Variants in RIMBP2 observed in about 807,000 individuals in gnomAD.
RIMBP2 encodes the protein RIMS-binding protein 2.
Under a neutral mutation model 118.6 loss-of-function variants are expected in RIMBP2, and 48 were observed. That is an observed-to-expected ratio of 0.40 (90% CI 0.32 to 0.51). The LOEUF is 0.51. Ranked by LOEUF, RIMBP2 falls within the 20% of genes least tolerant of loss-of-function variation. The pLI is 0.41. For synonymous variants in RIMBP2, 762 were observed against 742.9 expected, an observed-to-expected ratio of 1.03 and a Z score of -0.42; for missense variants, 1,551 against 1,768.3, an observed-to-expected ratio of 0.88 and a Z score of 2.20.
intron 4 of RIMBP2, among the ~76,000 whole-genome samples, chr12:130,493,303 G>A (rs1362679169): frequency 6.6e-6 from 1 of 151,684 alleles, no homozygotes; most frequent in Admixed American, 6.6e-5. Context: ...GTTTTTTGTT[G>A]TTTCTTTTTG....
chr12:130,515,112 G>A (rs774880043), intron 3 of RIMBP2, among the ~76,000 whole-genome samples: 12 of 152,182 alleles, frequency 7.9e-5, no homozygotes, highest in South Asian at 2.1e-4. Flanking sequence ...TCCTGACCTC[G>A]TGATCCGCCC....
At position 130,523,056 on chromosome 12, in the gene RIMBP2, C is replaced by T. The variant is rs2052339075; in HGVS notation, c.-216-5139G>A. Among the ~76,000 whole-genome samples, 1 of 151,946 alleles carries T rather than the reference C, an allele frequency of 6.6e-6. No individual in the cohort carries two copies. Among genetic ancestry groups the T allele is most frequent in the South Asian group, 2.1e-4 (1 of 4,800 alleles). ...CATTTTTCTGGCTCTGTCTCTATGTCTCTCTGCCTCTCTGTCTCTGTCTCC... is the reference window on the plus strand; with the variant it reads ...CATTTTTCTGGCTCTGTCTCTATGTTTCTCTGCCTCTCTGTCTCTGTCTCC... On this transcript the variant is annotated intron_variant, in intron 2 of 22. Coordinates refer to ENST00000690449, the MANE Select transcript of RIMBP2 (RefSeq NM_001393629.1). The surrounding 1 kb of genome is among the most constrained non-coding windows in gnomAD (Gnocchi z 4.4).
At chr12:130,458,797 C>A (rs1180294987) in intron 6 of RIMBP2, among the ~76,000 whole-genome samples, 1 of 152,156 alleles carries the variant, frequency 6.6e-6, no homozygotes, top group Admixed American at 6.5e-5. Context: ...GCAATCCCAG[C>A]ACTTTGAGAG....
At position 130,525,800 on chromosome 12, in the gene RIMBP2, C is replaced by T. The variant is rs143359931; in HGVS notation, c.-216-7883G>A. Reference sequence around the variant, plus strand: ...CCAACATAAGCTCTTTGCTTTCCTCCTCTTCTTTGTGAAATCTCATCCAGT... The same window carrying T: ...CCAACATAAGCTCTTTGCTTTCCTCTTCTTCTTTGTGAAATCTCATCCAGT... On this transcript the variant is annotated intron_variant, in intron 2 of 22. Transcript: ENST00000690449. This position sits in a 1 kb window ranked among gnomAD's most constrained non-coding sequence, Gnocchi z 4.4. 3.2e-3 allele frequency among the ~76,000 whole-genome samples: 492 copies of T among 152,288 alleles called. 1 individual carries two copies. Among genetic ancestry groups the T allele is most frequent in the African/African-American group, 0.011 (476 of 41,558 alleles).
In RIMBP2 at chr12:130,437,158, G is replaced by A. The variant is rs747462468; in HGVS notation, c.1790C>T (p.Ala597Val). 6.3e-7 allele frequency: 1 copy of A among 1,586,326 alleles called. No homozygotes were observed. The highest frequency in any genetic ancestry group is 1.8e-5 in the Admixed American group (1 of 55,838). ...QGESVDSAVA[A>V]VPPELLVPPT... ...AGGCACCAGGAGCTCGGGGGGAACG[G>A]CAGCAACTGCAGAGTCCACGGACTC... is the stretch of plus-strand genomic sequence containing the variant. The change falls in exon 13 of 23, where the codon GCC (alanine) becomes GTC (valine). Residue 597 changes from alanine to valine, a missense_variant. Ala to Val is a moderately conservative substitution (Grantham distance 64, BLOSUM62 0). Transcript: ENST00000690449.
Position 130,410,677 on chromosome 12 carries a change from T to C in RIMBP2, c.3589+1942A>G, listed in dbSNP as rs74871328. 4.1e-4 allele frequency among the ~76,000 whole-genome samples: 63 copies of C among 152,346 alleles called. No homozygotes were observed. In the East Asian group the frequency reaches 0.011, roughly 26 times the overall value. Reference sequence around the variant, plus strand: ...CAAAATCAGTGGACTCCATATGTGTTGGTCTGTTTCTGGACTTCATTCTGC... The same window carrying C: ...CAAAATCAGTGGACTCCATATGTGTCGGTCTGTTTCTGGACTTCATTCTGC... On this transcript the variant is annotated intron_variant, in intron 19 of 22. Coordinates refer to ENST00000690449, the MANE Select transcript of RIMBP2 (RefSeq NM_001393629.1).
At position 130,490,853 on chromosome 12, in the gene RIMBP2, C is replaced by T. The variant is rs948123423; in HGVS notation, c.-3-11837G>A. ...AGAGAGGCCAAATGCCAACTCACCCCGGAACTCAGCCACACCATAAAAGAG... is the reference window on the plus strand; with the variant it reads ...AGAGAGGCCAAATGCCAACTCACCCTGGAACTCAGCCACACCATAAAAGAG... On this transcript the variant is annotated intron_variant, in intron 4 of 22. Coordinates refer to ENST00000690449, the MANE Select transcript of RIMBP2 (RefSeq NM_001393629.1). Among the ~76,000 whole-genome samples, 5 of 152,126 alleles carry T rather than the reference C, an allele frequency of 3.3e-5. No individual in the cohort carries two copies. The South Asian group carries it at 8.3e-4, about 25-fold the overall frequency.
chr12:130,693,808 G>A (rs960842338), intron 1 of RIMBP2, among the ~76,000 whole-genome samples: 3 of 152,200 alleles, frequency 2.0e-5, no homozygotes, highest in African/African-American at 7.2e-5. Flanking sequence ...GGATGATTCA[G>A]CTGTCACTTA....
At chr12:130,568,779 C>G (rs564175379) in intron 2 of RIMBP2, among the ~76,000 whole-genome samples, 1 of 152,328 alleles carries the variant, frequency 6.6e-6, no homozygotes, top group Admixed American at 6.5e-5. Flanking sequence ...ATTTCACAAA[C>G]TCTTTTTTTC....
At position 130,459,673 on chromosome 12, in the gene RIMBP2, G is replaced by A. The variant is rs1023304820; in HGVS notation, c.154-2973C>T. On this transcript the variant is annotated intron_variant, in intron 6 of 22. Coordinates refer to ENST00000690449, the MANE Select transcript of RIMBP2 (RefSeq NM_001393629.1). ...CACCTGCCAGCAGCCTGCAGGCTGC[G>A]GGCTGCCTGCTTTTGTTTGCAGGAG... Among the ~76,000 whole-genome samples the A allele has an allele frequency of 6.6e-5, 10 of 152,250 alleles. No individual in the cohort carries two copies. The South Asian group carries it at 1.7e-3, about 25-fold the overall frequency.
chr12:130,695,272 G>A (rs2136696812), intron 1 of RIMBP2, among the ~76,000 whole-genome samples: 1 of 152,210 alleles, frequency 6.6e-6, no homozygotes, highest in Middle Eastern at 3.4e-3. Flanking sequence ...GCTTCCAGCT[G>A]CATCAGCTCC....
chr12:130,629,832 C>T (rs966319338), intron 1 of RIMBP2, among the ~76,000 whole-genome samples: 1 of 151,832 alleles, frequency 6.6e-6, no homozygotes, highest in African/African-American at 2.4e-5. Flanking sequence ...CCTCCCCCAA[C>T]CTGTCAAGAC....
chr12:130,615,499 C>G (rs997765702), intron 2 of RIMBP2, among the ~76,000 whole-genome samples: 1 of 151,582 alleles, frequency 6.6e-6, no homozygotes, highest in Admixed American at 6.6e-5. Context: ...TCAGTAGAGA[C>G]GGGTTTTCAC....
intron 4 of RIMBP2, among the ~76,000 whole-genome samples, chr12:130,490,602 G>T (rs1432171290): frequency 6.6e-6 from 1 of 152,156 alleles, no homozygotes; most frequent in Non-Finnish European, 1.5e-5. Flanking sequence ...ACATCACGGG[G>T]CAAAGGCAGG....
At chr12:130,454,838 G>A (rs2079287061) in intron 7 of RIMBP2, among the ~76,000 whole-genome samples, 1 of 152,234 alleles carries the variant, frequency 6.6e-6, no homozygotes, top group Admixed American at 6.5e-5. Context: ...GACTCACCGG[G>A]CAGGCCTGGG....
At chr12:130,559,296 A>C (rs1308138779) in intron 2 of RIMBP2, among the ~76,000 whole-genome samples, 3 of 152,136 alleles carry the variant, frequency 2.0e-5, no homozygotes, top group Non-Finnish European at 4.4e-5. Flanking sequence ...TATCCTTCCA[A>C]CAACAGCTCC....
Position 130,619,661 on chromosome 12 carries a change from C to T in RIMBP2, c.-217+8661G>A, listed in dbSNP as rs533111022. 6.8e-5 allele frequency among the ~76,000 whole-genome samples: 10 copies of T among 147,756 alleles called. No homozygotes were observed. In the East Asian group the frequency reaches 1.4e-3, roughly 21 times the overall value. On this transcript the variant is annotated intron_variant, in intron 2 of 22. Coordinates refer to ENST00000690449, the MANE Select transcript of RIMBP2 (RefSeq NM_001393629.1). ...GATCTCTAATCTAGCCACGGTGTGT[C>T]GTCAAGGGGACCGCACAGACACCAT...
intron 2 of RIMBP2, among the ~76,000 whole-genome samples, chr12:130,527,389 T>G (rs1029432145): frequency 6.6e-6 from 1 of 152,210 alleles, no homozygotes; most frequent in South Asian, 2.1e-4. Context: ...TTTTCAGAAA[T>G]TTGCTTCAAC....
chr12:130,414,465 A>C (rs1471472335), intron 17 of RIMBP2, 159 bp from the exon 18 acceptor site: 1 of 639,572 alleles, frequency 1.6e-6, no homozygotes, highest in Middle Eastern at 4.1e-4. Flanking sequence ...CGGGAGGTCT[A>C]GGTCAGATGA....
Sources: gnomAD v4.1 joint callset for allele counts (sites outside exome capture counted in the v4.1 genomes callset) on GRCh38, gnomAD v4.1.1 for gene constraint, Gnocchi (gnomAD v3.1) non-coding constraint, MANE v1.5 for transcripts, NCBI Gene and HGNC (gene_info 2026-07-23, HGNC 2026-07-21) for gene names.